Variants in AHI1 observed in about 807,000 individuals in gnomAD.
The protein encoded by AHI1 is Abelson helper integration site 1, also known as jouberin.
AHI1 carries 123 observed loss-of-function variants against 149.3 expected under a neutral mutation model. The observed-to-expected ratio is 0.82, with a 90% CI of 0.71 to 0.96. AHI1 has a LOEUF of 0.96. AHI1 is among the 40% of genes least tolerant of loss of function. AHI1 has a pLI of 0.00. For synonymous variants in AHI1, 475 were observed against 459.8 expected, an observed-to-expected ratio of 1.03 and a Z score of -0.42; for missense variants, 1,439 against 1,422.7, an observed-to-expected ratio of 1.01 and a Z score of -0.18.
At chr6:135,300,456 C>A in intron 27 of AHI1, 44 bp downstream of exon 27, 4 of 1,508,952 alleles carry the variant, frequency 2.7e-6, no homozygotes, top group East Asian at 4.8e-5. Flanking sequence ...AAAAGAAAAC[C>A]CCAACCATTT....
intron 23 of AHI1, among the ~76,000 whole-genome samples, chr6:135,368,182 G>A (rs1217711034): frequency 1.3e-5 from 2 of 152,174 alleles, no homozygotes; most frequent in Non-Finnish European, 2.9e-5. Context: ...GCAGAGTCTG[G>A]TGATGTGATC....
At position 135,457,653 on chromosome 6, in the gene AHI1, C is replaced by T. The variant is rs567183382; in HGVS notation, c.992G>A (p.Ser331Asn). The T allele has an allele frequency of 8.2e-5, 132 of 1,613,908 alleles. 1 individual carries two copies. The South Asian group carries it at 1.2e-3, about 15-fold the overall frequency. ...DGVHEITSRD[S>N]PVYPKCLLDD... The stretch of plus-strand genomic sequence containing the variant: ...AAGCAAACATTTGGGATAAACCGGG[C>T]TATCTCGGCTTGTTATTTCATGAAC... The change falls in exon 9 of 29, where the codon AGC (serine) becomes AAC (asparagine). Residue 331 changes from serine (S) to asparagine (N), a missense_variant. By Grantham distance (46) the Ser-to-Asn change is conservative. Transcript: ENST00000265602.
rs150789963 is a variant in AHI1 at position 135,411,863 on chromosome 6, C to T, written c.2765-319G>A. 7.7e-3 allele frequency among the ~76,000 whole-genome samples: 1,168 copies of T among 152,142 alleles called. 10 individuals are homozygous for T. The highest frequency in any genetic ancestry group is 0.012 in the Non-Finnish European group (817 of 67,970). ...AGGCATAACAGAATTAAGGGAAATG[C>T]TAAAATAATATTTATTCACAAGCCT... On this transcript the variant is annotated intron_variant, in intron 20 of 28. Coordinates refer to ENST00000265602, the MANE Select transcript of AHI1 (RefSeq NM_001134831.2).
At chr6:135,460,626 C>G (rs1789722365) in intron 8 of AHI1, among the ~76,000 whole-genome samples, 1 of 152,084 alleles carries the variant, frequency 6.6e-6, no homozygotes, top group Non-Finnish European at 1.5e-5. Flanking sequence ...TAAAGAATAG[C>G]CTAGACAATG....
chr6:135,371,735 A>G (rs890624909), intron 23 of AHI1, among the ~76,000 whole-genome samples: 3 of 152,232 alleles, frequency 2.0e-5, no homozygotes, highest in African/African-American at 7.2e-5. Context: ...CTAAGACAAG[A>G]AGGCTAGCAA....
intron 14 of AHI1, 117 bp downstream of exon 14, chr6:135,442,465 C>A: frequency 1.8e-6 from 2 of 1,108,950 alleles, no homozygotes; most frequent in Non-Finnish European, 2.4e-6. Flanking sequence ...AATCCGTTTT[C>A]TTTAATTTAG....
At chr6:135,423,158 T>A (rs548888484) in intron 20 of AHI1, among the ~76,000 whole-genome samples, 6 of 152,156 alleles carry the variant, frequency 3.9e-5, no homozygotes, top group African/African-American at 1.4e-4. Flanking sequence ...TGAGATAATA[T>A]ATGTAAAATG....
intron 23 of AHI1, among the ~76,000 whole-genome samples, chr6:135,381,327 A>T (rs1044463763): frequency 6.6e-6 from 1 of 152,156 alleles, no homozygotes; most frequent in Non-Finnish European, 1.5e-5. Flanking sequence ...GATTCCTTTT[A>T]AAAAAAGTGG....
At chr6:135,443,227 C>T (rs1167831297) in intron 13 of AHI1, among the ~76,000 whole-genome samples, 1 of 152,092 alleles carries the variant, frequency 6.6e-6, no homozygotes. Flanking sequence ...ATCAATCGGC[C>T]CTTATTGGTC....
chr6:135,446,450 T>C (rs577127793), intron 13 of AHI1, among the ~76,000 whole-genome samples: 2 of 152,290 alleles, frequency 1.3e-5, no homozygotes, highest in Admixed American at 1.3e-4. Context: ...TGCTATGTCC[T>C]CTCAAAAACT....
chr6:135,345,655 G>A (rs1791083537), intron 24 of AHI1, among the ~76,000 whole-genome samples: 1 of 152,042 alleles, frequency 6.6e-6, no homozygotes, highest in South Asian at 2.1e-4. Flanking sequence ...TGTTAGGGGT[G>A]AAGAAATGGA....
intron 26 of AHI1, among the ~76,000 whole-genome samples, chr6:135,313,273 TA>T (rs1323244846): frequency 6.6e-6 from 1 of 152,132 alleles, no homozygotes; most frequent in East Asian, 1.9e-4. Flanking sequence ...GAGAAAAAAA[TA>T]TATGCAGGAT....
intron 24 of AHI1, among the ~76,000 whole-genome samples, chr6:135,330,486 A>T (rs1273207033): frequency 2.0e-5 from 3 of 152,238 alleles, no homozygotes; most frequent in Admixed American, 1.3e-4. Flanking sequence ...GTGCTACTAC[A>T]TACTTAATAG....
chr6:135,381,134 A>G (rs1342384964), intron 23 of AHI1, among the ~76,000 whole-genome samples: 1 of 152,160 alleles, frequency 6.6e-6, no homozygotes, highest in Non-Finnish European at 1.5e-5. Flanking sequence ...CTTCAAAATC[A>G]GACTAAAAAG....
At chr6:135,286,343 A>C (rs1410762669) in intron 28 of AHI1, 1 of 152,266 alleles carries the variant, frequency 6.6e-6, no homozygotes, top group African/African-American at 2.4e-5. Flanking sequence ...AGTGGGGCTA[A>C]ACCTAACATT....
chr6:135,297,651 C>T (rs764831277), intron 27 of AHI1, among the ~76,000 whole-genome samples: 5 of 151,916 alleles, frequency 3.3e-5, no homozygotes, highest in South Asian at 2.1e-4. Flanking sequence ...AGGTCACACA[C>T]ATGACAATAA....
chr6:135,300,563 GGAA>G lies in AHI1; in HGVS notation c.3427-8_3427-6del, dbSNP rs559510247. The G allele has an allele frequency of 6.8e-5, 109 of 1,600,958 alleles. 1 individual carries two copies. The South Asian group carries it at 1.2e-3, about 17-fold the overall frequency. The stretch of plus-strand genomic sequence containing the variant: ...CTTGTTCTTATTGATTGATTGCTGT[GGAA>G]GAAGAGGAAAAACAAGTAGTAAGTA... On this transcript the variant is annotated splice_polypyrimidine_tract_variant and splice_region_variant and intron_variant, in intron 26 of 28. Transcript: ENST00000265602.
chr6:135,342,555 G>T (rs553135878), intron 24 of AHI1, among the ~76,000 whole-genome samples: 1 of 151,870 alleles, frequency 6.6e-6, no homozygotes, highest in East Asian at 1.9e-4. Context: ...CATAACAAGT[G>T]GGATTTGTCA....
chr6:135,446,055 C>CA lies in AHI1; in HGVS notation c.1779+952dup, dbSNP rs1046241155. Reference sequence around the variant, plus strand: ...TGGGCGACAGAGCAAGTCTCCGTCTCAAAAAAAAAACAAAAAGAGAATGGG... The same window carrying CA: ...TGGGCGACAGAGCAAGTCTCCGTCTCAAAAAAAAAAACAAAAAGAGAATGGG... On this transcript the variant is annotated intron_variant, in intron 13 of 28. Coordinates refer to ENST00000265602, the MANE Select transcript of AHI1 (RefSeq NM_001134831.2). 7.5e-3 allele frequency among the ~76,000 whole-genome samples: 1,043 copies of CA among 138,778 alleles called. 19 individuals are homozygous for CA. The highest frequency in any genetic ancestry group is 0.025 in the African/African-American group (942 of 37,734). The allele number at this position is 138,778 out of a possible 152,430, so 91.0% of individuals were successfully genotyped here.
Sources: allele counts gnomAD v4.1 joint callset (sites outside exome capture counted in the v4.1 genomes callset), GRCh38; gene constraint gnomAD v4.1.1; transcripts MANE v1.5; gene names NCBI Gene and HGNC (gene_info 2026-07-23, HGNC 2026-07-21).